The following MTX3 variants were observed in gnomAD, a reference collection of about 807,000 sequenced individuals.
The protein encoded by MTX3 is metaxin 3.
In MTX3, 27 loss-of-function variants were observed where a neutral mutation model predicts 42.5. The observed-to-expected ratio is 0.64, with a 90% CI of 0.47 to 0.88. MTX3 has a LOEUF of 0.88. MTX3 is among the 40% of genes least tolerant of loss of function. The pLI, the probability that MTX3 is intolerant of heterozygous loss-of-function variation, is 0.00. For synonymous variants in MTX3, 144 were observed against 132.9 expected, an observed-to-expected ratio of 1.08 and a Z score of -0.57; for missense variants, 378 against 367.0, an observed-to-expected ratio of 1.03 and a Z score of -0.25.
At chr5:79,988,805 G>A (rs933566928) in intron 4 of MTX3, among the ~76,000 whole-genome samples, 161 bp from the exon 5 acceptor site, 3 of 152,144 alleles carry the variant, frequency 2.0e-5, no homozygotes, top group Non-Finnish European at 2.9e-5. Context: ...TTTTAAATGT[G>A]TGAGTTTTGT....
rs1831378966 is a variant in MTX3, at chr5:79,981,749, A to C, written c.*1935T>G. 1 of 151,850 alleles carries C rather than the reference A, an allele frequency of 6.6e-6. No individual in the cohort carries two copies. The highest frequency in any genetic ancestry group is 1.9e-4 in the East Asian group (1 of 5,204). 9.4% of individuals were successfully genotyped at this position (151,850 alleles called of 1,614,324 possible). On this transcript the variant is annotated 3_prime_UTR_variant, in exon 9 of 9. Transcript: ENST00000512528. ...TGTTGATATGGTTCTATAAATTTTT[A>C]ATTTTTTTAATTTAAATTTTTAAAA...
chr5:79,986,131 T>A (rs537361355), intron 7 of MTX3, among the ~76,000 whole-genome samples: 1 of 152,262 alleles, frequency 6.6e-6, no homozygotes, highest in African/African-American at 2.4e-5. Flanking sequence ...GATTGATGCC[T>A]AAAAGATTCT....
chr5:79,990,944 G>C, intron 1 of MTX3: 1 of 716,344 alleles, frequency 1.4e-6, no homozygotes, highest in Non-Finnish European at 2.5e-6. Flanking sequence ...ACAAAACTCG[G>C]AGCCAAGCGG....
rs1291628680 is a variant in MTX3, at chr5:79,982,824, GTAGTGTC to G, written c.*853_*859del. ...TACCCTGGCCATGGGCTCCTCCTGA[GTAGTGTC>G]TAACAAGTGGGCAATTTCAGTAAGA... is the stretch of plus-strand genomic sequence containing the variant. On this transcript the variant is annotated 3_prime_UTR_variant, in exon 9 of 9. Coordinates refer to ENST00000512528, the MANE Select transcript of MTX3 (RefSeq NM_001363818.2). 1 of 164,978 alleles carries G rather than the reference GTAGTGTC, an allele frequency of 6.1e-6. No individual in the cohort carries two copies. Among genetic ancestry groups the G allele is most frequent in the East Asian group, 1.7e-4 (1 of 5,808 alleles). The allele number at this position is 164,978 out of a possible 1,614,324, so 10.2% of individuals were successfully genotyped here.
intron 1 of MTX3, chr5:79,990,867 A>G (rs930436540): frequency 1.1e-5 from 8 of 709,988 alleles, no homozygotes; most frequent in African/African-American, 3.5e-5. Flanking sequence ...CTGGGGATGC[A>G]GAGTAGGGAG....
rs1831352297 is a variant in MTX3 at position 79,980,618 on chromosome 5, A to C, written c.*3066T>G. 6.6e-6 allele frequency: 1 copy of C among 152,042 alleles called. No homozygotes were observed. Among genetic ancestry groups the C allele is most frequent in the Non-Finnish European group, 1.5e-5 (1 of 68,010 alleles). 9.4% of individuals were successfully genotyped at this position (152,042 alleles called of 1,614,324 possible). ...ATGATTGATGGTAGTTTGTTCATGG[A>C]AGATCTTCATCTTATGGGAATTATC... On this transcript the variant is annotated 3_prime_UTR_variant, in exon 9 of 9. Coordinates refer to ENST00000512528, the MANE Select transcript of MTX3 (RefSeq NM_001363818.2).
At position 79,982,828 on chromosome 5, in the gene MTX3, T is replaced by C; in HGVS notation, c.*856A>G. On this transcript the variant is annotated 3_prime_UTR_variant, in exon 9 of 9. Coordinates refer to ENST00000512528, the MANE Select transcript of MTX3 (RefSeq NM_001363818.2). ...CTGGCCATGGGCTCCTCCTGAGTAG[T>C]GTCTAACAAGTGGGCAATTTCAGTA... 1 of 163,036 alleles carries C rather than the reference T, an allele frequency of 6.1e-6. No homozygotes were observed. Among genetic ancestry groups the C allele is most frequent in the South Asian group, 1.7e-4 (1 of 6,012 alleles). The allele number at this position is 163,036 out of a possible 1,614,324, so 10.1% of individuals were successfully genotyped here. A position where few individuals can be genotyped will look rare whatever the true frequency, so the allele number is the denominator to read the frequency against.
intron 4 of MTX3, 84 bp downstream of exon 4, chr5:79,989,068 C>CT: frequency 3.2e-6 from 3 of 947,614 alleles, no homozygotes; most frequent in Non-Finnish European, 4.6e-6. Flanking sequence ...TCTCTTAAGA[C>CT]TTTTCTCATT....
rs1831382127 is a variant in MTX3 at position 79,981,856 on chromosome 5, G to A, written c.*1828C>T. 6.6e-6 allele frequency: 1 copy of A among 151,772 alleles called. No individual in the cohort carries two copies. Among genetic ancestry groups the A allele is most frequent in the African/African-American group, 2.4e-5 (1 of 41,288 alleles). The allele number at this position is 151,772 out of a possible 1,614,324, so 9.4% of individuals were successfully genotyped here. A position where few individuals can be genotyped will look rare whatever the true frequency, so the allele number is the denominator to read the frequency against. ...CTTGTAATATACATGTAATGTACTT[G>A]TACGTTATAACTGTAATATATTTCA... is the stretch of plus-strand genomic sequence containing the variant. On this transcript the variant is annotated 3_prime_UTR_variant, in exon 9 of 9. Transcript: ENST00000512528.
In MTX3 at chr5:79,983,401, T is replaced by C. The variant is rs1252220049; in HGVS notation, c.*283A>G. On this transcript the variant is annotated 3_prime_UTR_variant, in exon 9 of 9. Transcript: ENST00000512528. ...GCAACATGTGAACCAAAGGCAAAAA[T>C]CTGCCATGATTAAGGCAGTTCTTTG... The C allele has an allele frequency of 2.7e-6, 1 of 370,134 alleles. No homozygotes were observed. The highest frequency in any genetic ancestry group is 4.4e-5 in the Admixed American group (1 of 22,692). 22.9% of individuals were successfully genotyped at this position (370,134 alleles called of 1,614,324 possible).
intron 7 of MTX3, chr5:79,986,696 A>C (rs1242433941): frequency 5.5e-6 from 3 of 547,338 alleles, no homozygotes; most frequent in Non-Finnish European, 1.0e-5. Flanking sequence ...CAAAGGGGTA[A>C]TATTTAAAGA....
Position 79,988,504 on chromosome 5 carries a change from T to G in MTX3, c.462A>C (p.Arg154Ser). ...GGAGGTGGTAGAGGGGAGGCTGTCCTCTGGTCAGGAGAATCCTATTCAGTG... is the reference window on the plus strand; with the variant it reads ...GGAGGTGGTAGAGGGGAGGCTGTCCGCTGGTCAGGAGAATCCTATTCAGTG... ...KGALNRILLT[R>S]GQPPLYHLRE... The change falls in exon 5 of 9, where the codon AGA (arginine) becomes AGC (serine). Residue 154 changes from arginine (R) to serine (S), a missense_variant. Arg to Ser is a moderately radical substitution (Grantham distance 110, BLOSUM62 -1). Coordinates refer to ENST00000512528, the MANE Select transcript of MTX3 (RefSeq NM_001363818.2). 3.1e-6 allele frequency: 5 copies of G among 1,612,994 alleles called. No homozygotes were observed. Among genetic ancestry groups the G allele is most frequent in the Non-Finnish European group, 4.2e-6 (5 of 1,179,626 alleles).
In MTX3 at chr5:79,980,583, A is replaced by G. The variant is rs1831351274; in HGVS notation, c.*3101T>C. The G allele has an allele frequency of 6.6e-6, 1 of 150,952 alleles. No individual in the cohort carries two copies. The highest frequency in any genetic ancestry group is 1.5e-5 in the Non-Finnish European group (1 of 67,812). 9.4% of individuals were successfully genotyped at this position (150,952 alleles called of 1,614,324 possible). A position where few individuals can be genotyped will look rare whatever the true frequency, so the allele number is the denominator to read the frequency against. Reference sequence around the variant, plus strand: ...GTTACTTAAAAAAAAAAAAAAAATCAATCTGATGGATGATTGATGGTAGTT... The same window carrying G: ...GTTACTTAAAAAAAAAAAAAAAATCGATCTGATGGATGATTGATGGTAGTT... On this transcript the variant is annotated 3_prime_UTR_variant, in exon 9 of 9. Transcript: ENST00000512528.
At chr5:79,989,813 G>A (rs1167948215) in intron 3 of MTX3, among the ~76,000 whole-genome samples, 2 of 152,154 alleles carry the variant, frequency 1.3e-5, no homozygotes, top group African/African-American at 4.8e-5. Flanking sequence ...GTTGGTGAGA[G>A]CTCAGGTGTC....
chr5:79,987,551 A>T (rs1831526034), intron 6 of MTX3, among the ~76,000 whole-genome samples: 1 of 152,024 alleles, frequency 6.6e-6, no homozygotes, highest in Non-Finnish European at 1.5e-5. Context: ...TCTGAATTAC[A>T]CAGTATAGTC....
intron 8 of MTX3, among the ~76,000 whole-genome samples, chr5:79,985,126 C>T (rs552990544): frequency 2.6e-4 from 40 of 152,040 alleles, no homozygotes; most frequent in Admixed American, 6.6e-5. Flanking sequence ...GGACTACAGG[C>T]GCCCGCCACC....
At chr5:79,989,572 CTG>C (rs539725862) in intron 3 of MTX3, among the ~76,000 whole-genome samples, 65 of 152,266 alleles carry the variant, frequency 4.3e-4, no homozygotes, top group African/African-American at 1.5e-3. Flanking sequence ...TTCCAATTGG[CTG>C]TGTTTCTCCC....
At chr5:79,984,592 G>A (rs995084360) in intron 8 of MTX3, among the ~76,000 whole-genome samples, 5 of 150,592 alleles carry the variant, frequency 3.3e-5, no homozygotes, top group African/African-American at 1.2e-4. Context: ...CTATGAGTTT[G>A]TAAAATAGTA....
chr5:79,990,932 G>GGACAAAACTC (rs1243025225), intron 1 of MTX3: 1 of 712,212 alleles, frequency 1.4e-6, no homozygotes, highest in Non-Finnish European at 2.5e-6. Context: ...TTTGTGAGGC[G>GGACAAAACTC]GACAAAACTC....
Sources: allele counts gnomAD v4.1 joint callset (sites outside exome capture counted in the v4.1 genomes callset), GRCh38; gene constraint gnomAD v4.1.1; transcripts MANE v1.5; gene names NCBI Gene and HGNC (gene_info 2026-07-23, HGNC 2026-07-21).